NEK11: variants seen among roughly 807,000 people sequenced by gnomAD.
NEK11 encodes the protein serine/threonine-protein kinase Nek11.
Under a neutral mutation model 80.7 loss-of-function variants are expected in NEK11, and 72 were observed. The ratio of observed to expected loss-of-function variants is 0.89; its 90% CI spans 0.74 to 1.08. NEK11 has a LOEUF of 1.08. Ranked by LOEUF, NEK11 falls within the 50% of genes least tolerant of loss-of-function variation. The probability of loss-of-function intolerance (pLI) is 0.00; values close to 1 mark genes in which losing one functional copy is unlikely to be tolerated. For synonymous variants in NEK11, 251 were observed against 260.7 expected (o/e 0.96, Z 0.36); for missense variants, 764 against 763.6 (o/e 1.00, Z -0.01).
intron 14 of NEK11, 47 bp from the exon 15 acceptor site, chr3:131,228,481 A>G: frequency 6.6e-7 from 1 of 1,510,966 alleles, no homozygotes; most frequent in Non-Finnish European, 9.0e-7. Context: ...TTACCTCATT[A>G]TAATTTTAAT....
intron 10 of NEK11, among the ~76,000 whole-genome samples, chr3:131,158,064 T>G (rs1191380822): frequency 1.3e-5 from 2 of 152,062 alleles, no homozygotes; most frequent in African/African-American, 4.8e-5. Context: ...CTGCAGGCAG[T>G]CTTACCCATC....
chr3:131,092,348 C>A (rs1160301760), intron 4 of NEK11, among the ~76,000 whole-genome samples: 1 of 152,158 alleles, frequency 6.6e-6, no homozygotes, highest in African/African-American at 2.4e-5. Flanking sequence ...ACCAGGGAGA[C>A]TATTGTGATG....
chr3:131,062,150 T>A (rs1389495543), intron 3 of NEK11, among the ~76,000 whole-genome samples: 1 of 152,220 alleles, frequency 6.6e-6, no homozygotes, highest in Non-Finnish European at 1.5e-5. Flanking sequence ...GGCAACAACA[T>A]TCCCTATACC....
At chr3:131,121,391 G>T (rs2082348260) in intron 5 of NEK11, among the ~76,000 whole-genome samples, 1 of 152,158 alleles carries the variant, frequency 6.6e-6, no homozygotes, top group South Asian at 2.1e-4. Context: ...GTGTCTGTTG[G>T]CCCCTACTGG....
intron 12 of NEK11, 56 bp downstream of exon 12, chr3:131,165,575 T>C: frequency 2.9e-6 from 3 of 1,029,170 alleles, no homozygotes; most frequent in Admixed American, 3.8e-5. Context: ...TTTAGATTCA[T>C]GGCGATGATT....
intron 14 of NEK11, among the ~76,000 whole-genome samples, chr3:131,183,400 C>G (rs2093453888): frequency 6.6e-6 from 1 of 152,130 alleles, no homozygotes; most frequent in Non-Finnish European, 1.5e-5. Flanking sequence ...GTATTCAACC[C>G]CATATGCATT....
chr3:131,028,722 C>T (rs1274443516), intron 2 of NEK11, among the ~76,000 whole-genome samples: 1 of 152,168 alleles, frequency 6.6e-6, no homozygotes, highest in East Asian at 1.9e-4. Context: ...CTACAATGCC[C>T]GGCTAATTTT....
At chr3:131,292,212 C>T (rs2096551049) in intron 17 of NEK11, among the ~76,000 whole-genome samples, 2 of 152,174 alleles carry the variant, frequency 1.3e-5, no homozygotes, top group South Asian at 4.1e-4. Flanking sequence ...TGTTATCTGT[C>T]AAAGATCAAT....
At position 131,157,723 on chromosome 3, in the gene NEK11, G is replaced by A. The variant is rs529262124; in HGVS notation, c.962+2602G>A. Among the ~76,000 whole-genome samples, 7 of 152,208 alleles carry A rather than the reference G, an allele frequency of 4.6e-5. No individual in the cohort carries two copies. The South Asian group carries it at 8.3e-4, about 18-fold the overall frequency. ...GCTGGGCTGAAGGGGGAGGAAGGTG[G>A]GAATCCTGTATGGGGCCACTGTACA... On this transcript the variant is annotated intron_variant, in intron 10 of 17. Transcript: ENST00000383366.
intron 11 of NEK11, 27 bp downstream of exon 11, chr3:131,162,554 ATG>A: frequency 6.2e-7 from 1 of 1,613,342 alleles, no homozygotes; most frequent in Non-Finnish European, 8.5e-7. Flanking sequence ...TTAGGCACTC[ATG>A]CTCGGGACTA....
At chr3:131,094,519 A>G (rs1448416701) in intron 4 of NEK11, among the ~76,000 whole-genome samples, 1 of 152,198 alleles carries the variant, frequency 6.6e-6, no homozygotes, top group Non-Finnish European at 1.5e-5. Context: ...GCTTTGCCTA[A>G]TACCATTGTG....
chr3:131,288,495 C>G (rs1161623689), intron 17 of NEK11, among the ~76,000 whole-genome samples: 2 of 137,054 alleles, frequency 1.5e-5, no homozygotes, highest in Admixed American at 1.6e-4. Context: ...TCTTGTTGCC[C>G]AGGCTGGAGT....
chr3:131,151,769 T>G (rs922094913), intron 7 of NEK11, among the ~76,000 whole-genome samples: 1 of 152,060 alleles, frequency 6.6e-6, no homozygotes, highest in Non-Finnish European at 1.5e-5. Flanking sequence ...TTGATTTGCA[T>G]GGTTAATCCA....
At chr3:131,191,889 A>T (rs780129868) in intron 14 of NEK11, among the ~76,000 whole-genome samples, 1 of 152,192 alleles carries the variant, frequency 6.6e-6, no homozygotes. Context: ...ATATGACAGT[A>T]ATTTATTGAT....
chr3:131,112,136 C>T (rs1057251873), intron 5 of NEK11, among the ~76,000 whole-genome samples: 2 of 152,026 alleles, frequency 1.3e-5, no homozygotes, highest in African/African-American at 4.8e-5. Flanking sequence ...TCCATAGAAG[C>T]CTTTTTTGTA....
chr3:131,174,695 G>C, intron 14 of NEK11: 1 of 1,479,636 alleles, frequency 6.8e-7, no homozygotes, highest in Non-Finnish European at 9.2e-7. Context: ...TAATGCTAAT[G>C]ATATCTTGCA....
At chr3:131,161,970 CTG>C (rs2091652327) in intron 10 of NEK11, among the ~76,000 whole-genome samples, 1 of 152,168 alleles carries the variant, frequency 6.6e-6, no homozygotes, top group Non-Finnish European at 1.5e-5. Context: ...GATGAGAAAA[CTG>C]AGATTCAGGG....
At chr3:131,166,617 T>A (rs2092261980) in intron 12 of NEK11, among the ~76,000 whole-genome samples, 2 of 152,206 alleles carry the variant, frequency 1.3e-5, no homozygotes, top group South Asian at 4.1e-4. Flanking sequence ...TGGTAATATG[T>A]GCTCAATTCC....
chr3:131,127,787 T>A (rs971997981), intron 5 of NEK11, among the ~76,000 whole-genome samples: 6 of 117,194 alleles, frequency 5.1e-5, no homozygotes, highest in Admixed American at 3.2e-4. Context: ...TTAGGGCAGA[T>A]CACCTTGATC....
Sources: allele counts gnomAD v4.1 joint callset (sites outside exome capture counted in the v4.1 genomes callset), GRCh38; gene constraint gnomAD v4.1.1; transcripts MANE v1.5; gene names NCBI Gene and HGNC (gene_info 2026-07-23, HGNC 2026-07-21).